PLXDC2: variants seen among roughly 807,000 people sequenced by gnomAD.
The protein encoded by PLXDC2 is plexin domain containing 2.
Under a neutral mutation model 68.9 loss-of-function variants are expected in PLXDC2, and 40 were observed. That is an observed-to-expected ratio of 0.58 (90% CI 0.45 to 0.76). The LOEUF is 0.76. Ranked by LOEUF, PLXDC2 falls within the 30% of genes least tolerant of loss-of-function variation. The pLI is 0.00. For synonymous variants in PLXDC2, 243 were observed against 234.2 expected (o/e 1.04, Z -0.34); for missense variants, 644 against 661.9 (o/e 0.97, Z 0.30).
Position 19,994,809 on chromosome 10 carries a change from C to G in PLXDC2, c.113-6966C>G, listed in dbSNP as rs900674509. On this transcript the variant is annotated intron_variant, in intron 1 of 13. Coordinates refer to ENST00000377252, the MANE Select transcript of PLXDC2 (RefSeq NM_032812.9). ...CCAGGCTGGGGTCCAGTGGTGCAAT[C>G]TCGGCTCACTGCAACCTCCGCTTCC... Among the ~76,000 whole-genome samples the G allele has an allele frequency of 1.3e-4, 20 of 151,680 alleles. 1 individual carries two copies. The highest frequency in any genetic ancestry group is 4.8e-4 in the African/African-American group (20 of 41,424).
chr10:20,259,197 C>A (rs1307337664), intron 13 of PLXDC2, among the ~76,000 whole-genome samples: 1 of 151,932 alleles, frequency 6.6e-6, no homozygotes, highest in Non-Finnish European at 1.5e-5. Flanking sequence ...CATAGCAGAA[C>A]AATTGCCTTT....
At chr10:20,155,776 C>T (rs935767107) in intron 6 of PLXDC2, among the ~76,000 whole-genome samples, 2 of 152,026 alleles carry the variant, frequency 1.3e-5, no homozygotes, top group African/African-American at 4.8e-5. Context: ...ATTATTCTCC[C>T]TTGATCATGT....
At chr10:19,870,751 A>G (rs1837519222) in intron 1 of PLXDC2, among the ~76,000 whole-genome samples, 1 of 152,236 alleles carries the variant, frequency 6.6e-6, no homozygotes, top group African/African-American at 2.4e-5. Context: ...TACTTCAACT[A>G]TTACTATTAT....
intron 12 of PLXDC2, among the ~76,000 whole-genome samples, chr10:20,235,819 A>G (rs116321372): frequency 0.018 from 2,725 of 152,346 alleles, 87 homozygotes; most frequent in African/African-American, 0.061. Flanking sequence ...CTGTTTGAAC[A>G]TAAGTGACTA....
intron 1 of PLXDC2, among the ~76,000 whole-genome samples, chr10:19,925,044 A>G (rs1320613305): frequency 6.6e-6 from 1 of 152,222 alleles, no homozygotes; most frequent in African/African-American, 2.4e-5. Context: ...AAGGTCTGCA[A>G]ACTGTGACTG....
chr10:20,065,106 G>A lies in PLXDC2; in HGVS notation c.472-3064G>A, dbSNP rs543750329. Among the ~76,000 whole-genome samples, 10 of 152,160 alleles carry A rather than the reference G, an allele frequency of 6.6e-5. No homozygotes were observed. In the South Asian group the frequency reaches 2.1e-3, roughly 32 times the overall value. ...CCCCTAAGTCCTTATATCAAGATTG[G>A]CTTTAGGGGTAATCCAAACTAAGCC... On this transcript the variant is annotated intron_variant, in intron 3 of 13. Transcript: ENST00000377252.
intron 9 of PLXDC2, among the ~76,000 whole-genome samples, chr10:20,181,489 T>C (rs920270320): frequency 6.6e-6 from 1 of 152,024 alleles, no homozygotes; most frequent in African/African-American, 2.4e-5. Flanking sequence ...AGCCAGTAGT[T>C]GTTCTTGACT....
At chr10:20,245,232 C>A in intron 12 of PLXDC2, 113 bp from the exon 13 acceptor site, 1 of 1,180,112 alleles carries the variant, frequency 8.5e-7, no homozygotes, top group Non-Finnish European at 1.1e-6. Flanking sequence ...AAAAGTTGTC[C>A]AGGAAGTAAA....
intron 6 of PLXDC2, among the ~76,000 whole-genome samples, chr10:20,149,722 C>T (rs1423259802): frequency 6.6e-6 from 1 of 152,092 alleles, no homozygotes; most frequent in Non-Finnish European, 1.5e-5. Flanking sequence ...GCCTCCAGCT[C>T]CATCCAGGTC....
At chr10:20,252,471 A>G (rs1835689737) in intron 13 of PLXDC2, among the ~76,000 whole-genome samples, 1 of 152,214 alleles carries the variant, frequency 6.6e-6, no homozygotes, top group South Asian at 2.1e-4. Context: ...TATTTGGTTC[A>G]CATTATATTT....
intron 2 of PLXDC2, among the ~76,000 whole-genome samples, chr10:20,016,347 A>G (rs1048337113): frequency 6.6e-6 from 1 of 152,212 alleles, no homozygotes; most frequent in African/African-American, 2.4e-5. Context: ...TGTGGTTTGG[A>G]CTGGAAGTAA....
intron 13 of PLXDC2, among the ~76,000 whole-genome samples, chr10:20,266,443 G>A (rs1465857837): frequency 6.6e-6 from 1 of 150,850 alleles, no homozygotes; most frequent in Non-Finnish European, 1.5e-5. Context: ...ACCCAAAAAG[G>A]GAAAACAAAA....
intron 2 of PLXDC2, among the ~76,000 whole-genome samples, chr10:20,031,070 T>C (rs149967547): frequency 1.0e-3 from 156 of 152,222 alleles, no homozygotes; most frequent in African/African-American, 3.7e-3. Context: ...CAGCTGACAC[T>C]GTGTGGAATA....
intron 1 of PLXDC2, among the ~76,000 whole-genome samples, chr10:19,994,311 A>AT (rs1834805027): frequency 2.9e-5 from 2 of 68,756 alleles, no homozygotes; most frequent in Non-Finnish European, 6.4e-5. Context: ...AACATGATTA[A>AT]ATTTTTTTTT....
chr10:20,043,709 G>T (rs939075680), intron 2 of PLXDC2, among the ~76,000 whole-genome samples: 7 of 151,892 alleles, frequency 4.6e-5, no homozygotes, highest in Admixed American at 2.0e-4. Flanking sequence ...TAATAATACT[G>T]TCAATAGGGA....
intron 13 of PLXDC2, among the ~76,000 whole-genome samples, chr10:20,252,520 A>T (rs1835690165): frequency 6.6e-6 from 1 of 152,194 alleles, no homozygotes; most frequent in Admixed American, 6.5e-5. Flanking sequence ...GACTTTGCAG[A>T]GACAAAGAAT....
chr10:20,238,690 T>TATATATATATATATATATATATATATAC (rs1835471667), intron 12 of PLXDC2, among the ~76,000 whole-genome samples: 2 of 130,354 alleles, frequency 1.5e-5, no homozygotes, highest in South Asian at 2.3e-4. Flanking sequence ...TATATATATA[T>TATATATATATATATATATATATATATAC]ATACACACAT....
chr10:19,954,504 G>A (rs563879167), intron 1 of PLXDC2, among the ~76,000 whole-genome samples: 1 of 152,156 alleles, frequency 6.6e-6, no homozygotes. Context: ...TGATCCATTT[G>A]TAGTCTATAT....
chr10:20,044,745 T>C (rs1208795813), intron 2 of PLXDC2, among the ~76,000 whole-genome samples: 1 of 152,164 alleles, frequency 6.6e-6, no homozygotes, highest in African/African-American at 2.4e-5. Context: ...ATCACTTCTC[T>C]ACCTAAATTC....
Sources: allele counts gnomAD v4.1 joint callset (sites outside exome capture counted in the v4.1 genomes callset), GRCh38; gene constraint gnomAD v4.1.1; transcripts MANE v1.5; gene names NCBI Gene and HGNC (gene_info 2026-07-23, HGNC 2026-07-21).